SEPTIN10: variants seen among roughly 807,000 people sequenced by gnomAD.
SEPTIN10 encodes septin-10.
Under a neutral mutation model 54.8 loss-of-function variants are expected in SEPTIN10, and 66 were observed. The ratio of observed to expected loss-of-function variants is 1.21; its 90% CI spans 0.99 to 1.48. SEPTIN10 has a LOEUF of 1.48. Among genes scored for constraint, SEPTIN10 ranks in the 40% most tolerant of loss-of-function variants. SEPTIN10 has a pLI of 0.00. For missense variants in SEPTIN10, 620 were observed against 545.6 expected (o/e 1.14, Z -1.36); for synonymous variants, 161 against 181.0 (o/e 0.89, Z 0.89).
chr2:109,605,489 A>G (rs1697738921), intron 1 of SEPTIN10: 1 of 152,148 alleles, frequency 6.6e-6, no homozygotes, highest in African/African-American at 2.4e-5. Context: ...ATAATAAATA[A>G]ATAAATAAAT....
chr2:109,594,236 A>G (rs1474407855), intron 1 of SEPTIN10, among the ~76,000 whole-genome samples: 1 of 151,332 alleles, frequency 6.6e-6, no homozygotes, highest in Non-Finnish European at 1.5e-5. Context: ...AGGAAATGTC[A>G]CATTATTTAA....
intron 10 of SEPTIN10, chr2:109,545,813 T>G: frequency 7.0e-7 from 1 of 1,425,126 alleles, no homozygotes; most frequent in East Asian, 2.5e-5. Context: ...TTTTATTTTG[T>G]TCATTCATTC....
intron 4 of SEPTIN10, among the ~76,000 whole-genome samples, chr2:109,580,112 G>C (rs1054447581): frequency 6.6e-6 from 1 of 151,692 alleles, no homozygotes; most frequent in African/African-American, 2.4e-5. Flanking sequence ...CAAGAGTGAA[G>C]TTCCATCTTA....
rs368026353 is a variant in SEPTIN10 at position 109,557,107 on chromosome 2, A to C, written c.1029-3888T>G. On this transcript the variant is annotated intron_variant, in intron 8 of 10. Coordinates refer to ENST00000397712, the MANE Select transcript of SEPTIN10 (RefSeq NM_144710.5). Reference sequence around the variant, plus strand: ...AATGGGTGCAGCACACCAACATGGCACATGTATATATATGTAACAAACCAG... The same window carrying C: ...AATGGGTGCAGCACACCAACATGGCCCATGTATATATATGTAACAAACCAG... 3.3e-5 allele frequency among the ~76,000 whole-genome samples: 5 copies of C among 152,258 alleles called. No individual in the cohort carries two copies. The South Asian group carries it at 1.0e-3, about 32-fold the overall frequency.
At chr2:109,545,604 C>T in intron 10 of SEPTIN10, 2 of 1,531,958 alleles carry the variant, frequency 1.3e-6, no homozygotes, top group Non-Finnish European at 1.7e-6. Context: ...AAAAACTGAA[C>T]CTAAGAATTA....
rs549885121 is a variant in SEPTIN10, at chr2:109,553,591, G to A, written c.1029-372C>T. ...TAAGTGGCCTGGCCTGGTGGCTCAC[G>A]CCTGTAATCCCAGCACTTTGGGAGG... On this transcript the variant is annotated intron_variant, in intron 8 of 10. Coordinates refer to ENST00000397712, the MANE Select transcript of SEPTIN10 (RefSeq NM_144710.5). Among the ~76,000 whole-genome samples the A allele has an allele frequency of 4.0e-5, 6 of 148,946 alleles. 1 individual carries two copies. Among genetic ancestry groups the A allele is most frequent in the African/African-American group, 1.5e-4 (6 of 40,306 alleles).
Position 109,585,189 on chromosome 2 carries a change from A to C in SEPTIN10, c.350T>G (p.Val117Gly), listed in dbSNP as rs1362256002. 2 of 1,611,692 alleles carry C rather than the reference A, an allele frequency of 1.2e-6. No homozygotes were observed. Among genetic ancestry groups the C allele is most frequent in the Non-Finnish European group, 1.7e-6 (2 of 1,178,654 alleles). The change falls in exon 4 of 11, where the codon GTT (valine) becomes GGT (glycine). Residue 117 changes from valine (V) to glycine (G), a missense_variant. Val to Gly is a moderately radical substitution (Grantham distance 109). Transcript: ENST00000397712. Reference sequence around the variant, plus strand: ...ATTCACAATGGTCAATTTCAATTGAACATTACTTTCCTGGAGTTCATATGT... The same window carrying C: ...ATTCACAATGGTCAATTTCAATTGACCATTACTTTCCTGGAGTTCATATGT... ...AQTYELQESNVQLKLTIVNTV... is the reference protein window; with the variant it reads ...AQTYELQESNGQLKLTIVNTV...
chr2:109,564,188 C>T (rs1171423079), intron 8 of SEPTIN10, 178 bp downstream of exon 8: 1 of 508,762 alleles, frequency 2.0e-6, no homozygotes, highest in Non-Finnish European at 3.1e-6. Context: ...CAAGACTCTT[C>T]AAAAGCAAGA....
chr2:109,603,239 T>C (rs1481853279), intron 1 of SEPTIN10, among the ~76,000 whole-genome samples: 1 of 152,000 alleles, frequency 6.6e-6, no homozygotes. Context: ...TTATTAATAT[T>C]ATTATTTTTT....
At chr2:109,574,477 A>T in intron 5 of SEPTIN10, 104 bp downstream of exon 5, 115 of 554,710 alleles carry the variant, frequency 2.1e-4, no homozygotes, top group Non-Finnish European at 2.8e-4. Context: ...TTTAAAAAAG[A>T]TGCACAGGAT....
intron 1 of SEPTIN10, among the ~76,000 whole-genome samples, chr2:109,599,800 A>G (rs1222432470): frequency 1.3e-5 from 2 of 152,214 alleles, no homozygotes; most frequent in Non-Finnish European, 2.9e-5. Flanking sequence ...TAAAATACAA[A>G]TGCAATCTTA....
chr2:109,553,150 C>G lies in SEPTIN10; in HGVS notation c.1098G>C (p.Met366Ile). 2 of 1,614,068 alleles carry G rather than the reference C, an allele frequency of 1.2e-6. No individual in the cohort carries two copies. The highest frequency in any genetic ancestry group is 1.1e-5 in the South Asian group (1 of 91,082). The change falls in exon 9 of 11, where the codon ATG (methionine) becomes ATC (isoleucine). Residue 366 changes from methionine (M) to isoleucine (I), a missense_variant. Coordinates refer to ENST00000397712, the MANE Select transcript of SEPTIN10 (RefSeq NM_144710.5). ...TTACTCGCTGCACAAACATCTGTTT[C>G]ATTTCTTCTTCCTTCCTCTGACGTT... ...HGERQRKEEE[M>I]KQMFVQRVKE...
chr2:109,552,816 G>A (rs1251051865), intron 9 of SEPTIN10: 2 of 349,396 alleles, frequency 5.7e-6, no homozygotes, highest in African/African-American at 4.3e-5. Flanking sequence ...CACCCAAGAG[G>A]GTAGCTGCTG....
intron 4 of SEPTIN10, among the ~76,000 whole-genome samples, chr2:109,577,461 C>T (rs1243526041): frequency 1.3e-5 from 2 of 151,572 alleles, no homozygotes; most frequent in Non-Finnish European, 2.9e-5. Context: ...GGCATGATGG[C>T]AGGTGCCTGT....
chr2:109,599,529 G>C (rs1696146835), intron 1 of SEPTIN10, among the ~76,000 whole-genome samples: 1 of 151,974 alleles, frequency 6.6e-6, no homozygotes, highest in Non-Finnish European at 1.5e-5. Context: ...CAGCAAGTTG[G>C]CCTCCAGTGT....
At chr2:109,594,293 G>T (rs1252852972) in intron 1 of SEPTIN10, among the ~76,000 whole-genome samples, 1 of 152,018 alleles carries the variant, frequency 6.6e-6, no homozygotes, top group Non-Finnish European at 1.5e-5. Flanking sequence ...TGCAAATGGT[G>T]TCAATGAGAA....
chr2:109,594,172 T>A (rs959193137), intron 1 of SEPTIN10, among the ~76,000 whole-genome samples: 3 of 152,192 alleles, frequency 2.0e-5, no homozygotes, highest in Non-Finnish European at 4.4e-5. Flanking sequence ...CAAGAAAAAC[T>A]GTACTAATTC....
chr2:109,602,780 G>A (rs936011929), intron 1 of SEPTIN10, among the ~76,000 whole-genome samples: 4 of 151,052 alleles, frequency 2.6e-5, no homozygotes, highest in African/African-American at 4.9e-5. Flanking sequence ...TGAAATTTGA[G>A]AAGTCATTTA....
intron 4 of SEPTIN10, among the ~76,000 whole-genome samples, chr2:109,580,876 G>A (rs1265654688): frequency 3.3e-5 from 5 of 152,160 alleles, no homozygotes; most frequent in African/African-American, 9.7e-5. Flanking sequence ...ACAGCACAGC[G>A]CCTGGCCATT....
Sources: gnomAD v4.1 joint callset for allele counts (sites outside exome capture counted in the v4.1 genomes callset) on GRCh38, gnomAD v4.1.1 for gene constraint, MANE v1.5 for transcripts, NCBI Gene and HGNC (gene_info 2026-07-23, HGNC 2026-07-21) for gene names.